The following PDGFD variants were observed in gnomAD, a reference collection of about 807,000 sequenced individuals.
PDGFD encodes platelet-derived growth factor D.
Under a neutral mutation model 44.7 loss-of-function variants are expected in PDGFD, and 30 were observed. That is an observed-to-expected ratio of 0.67 (90% CI 0.50 to 0.91). PDGFD has a LOEUF of 0.91. PDGFD is among the 40% of genes least tolerant of loss of function. The pLI is 0.00. For synonymous variants in PDGFD, 173 were observed against 168.4 expected (o/e 1.03, Z -0.21); for missense variants, 445 against 457.8 (o/e 0.97, Z 0.25).
intron 1 of PDGFD, among the ~76,000 whole-genome samples, chr11:104,086,496 C>A (rs1861132753): frequency 6.6e-6 from 1 of 152,054 alleles, no homozygotes; most frequent in Admixed American, 6.6e-5. Context: ...TCCAATATAG[C>A]CTAAAAACAG....
chr11:103,926,009 G>A (rs150793408), intron 6 of PDGFD, among the ~76,000 whole-genome samples: 2,106 of 152,048 alleles, frequency 0.014, 43 homozygotes, highest in African/African-American at 0.048. Flanking sequence ...GATTACAGGC[G>A]TGAGCCACTG....
intron 1 of PDGFD, among the ~76,000 whole-genome samples, chr11:104,079,370 A>ATTTCT (rs147414188): frequency 2.6e-5 from 4 of 151,824 alleles, no homozygotes; most frequent in East Asian, 3.9e-4. Context: ...CTAAGGGCCA[A>ATTTCT]TTTCTTTTCT....
At chr11:104,004,516 G>A (rs1386627013) in intron 1 of PDGFD, among the ~76,000 whole-genome samples, 1 of 152,146 alleles carries the variant, frequency 6.6e-6, no homozygotes, top group Non-Finnish European at 1.5e-5. Flanking sequence ...GTGGTATGTG[G>A]AGCGGGAAGG....
chr11:104,037,808 T>C, intron 1 of PDGFD: 1 of 1,614,184 alleles, frequency 6.2e-7, no homozygotes, highest in African/African-American at 1.3e-5. Flanking sequence ...ATGGATATGC[T>C]TCTAGGCCTA....
intron 3 of PDGFD, among the ~76,000 whole-genome samples, chr11:103,963,931 T>A (rs1260553043): frequency 6.6e-6 from 1 of 152,164 alleles, no homozygotes; most frequent in East Asian, 1.9e-4. Context: ...AACTCATGAA[T>A]TAAAATTTGT....
chr11:103,908,326 A>C lies in PDGFD; in HGVS notation c.*1368T>G, dbSNP rs1857970004. 6.6e-6 allele frequency: 1 copy of C among 152,176 alleles called. No homozygotes were observed. The highest frequency in any genetic ancestry group is 1.5e-5 in the Non-Finnish European group (1 of 68,018). 9.4% of individuals were successfully genotyped at this position (152,176 alleles called of 1,614,324 possible). A position where few individuals can be genotyped will look rare whatever the true frequency, so the allele number is the denominator to read the frequency against. ...GAGGCAGAGAGAAAAAATTACTCTA[A>C]ATACCATTAACCAATGTAAAACAGT... On this transcript the variant is annotated 3_prime_UTR_variant, in exon 7 of 7. Coordinates refer to ENST00000393158, the MANE Select transcript of PDGFD (RefSeq NM_025208.5).
chr11:103,930,160 T>C (rs1165906283), intron 5 of PDGFD, among the ~76,000 whole-genome samples: 1 of 152,178 alleles, frequency 6.6e-6, no homozygotes, highest in Non-Finnish European at 1.5e-5. Context: ...TACAGGCAGT[T>C]TTCTGGAAAG....
chr11:104,125,141 T>C (rs1234706872), intron 1 of PDGFD, among the ~76,000 whole-genome samples: 1 of 152,166 alleles, frequency 6.6e-6, no homozygotes, highest in Non-Finnish European at 1.5e-5. Context: ...AAGACTGATA[T>C]GAAAGTAATA....
intron 6 of PDGFD, among the ~76,000 whole-genome samples, 170 bp downstream of exon 6, chr11:103,926,742 A>C (rs1382147357): frequency 1.3e-5 from 2 of 152,232 alleles, no homozygotes; most frequent in African/African-American, 4.8e-5. Context: ...TTAACCTGTC[A>C]TCAGGACACT....
At chr11:104,045,129 C>T (rs972104137) in intron 1 of PDGFD, among the ~76,000 whole-genome samples, 10 of 152,138 alleles carry the variant, frequency 6.6e-5, no homozygotes, top group Admixed American at 2.0e-4. Context: ...GGTCACCATA[C>T]TAGTGTTAGA....
Position 104,116,803 on chromosome 11 carries a change from A to C in PDGFD, c.124+47001T>G, listed in dbSNP as rs555228507. 6.6e-5 allele frequency among the ~76,000 whole-genome samples: 10 copies of C among 152,054 alleles called. No homozygotes were observed. The East Asian group carries it at 1.6e-3, about 24-fold the overall frequency. ...CGGTCTTTCCCGTGGCATTTTCATG[A>C]TAGTGAATAAGTCTCACAAGATCTG... On this transcript the variant is annotated intron_variant, in intron 1 of 6. Transcript: ENST00000393158.
chr11:104,051,846 T>C (rs1486474020), intron 1 of PDGFD, among the ~76,000 whole-genome samples: 1 of 151,166 alleles, frequency 6.6e-6, no homozygotes, highest in East Asian at 1.9e-4. Flanking sequence ...TATGGTACAA[T>C]TTTTTTAATT....
At chr11:103,970,562 A>C (rs1859089126) in intron 3 of PDGFD, among the ~76,000 whole-genome samples, 1 of 152,138 alleles carries the variant, frequency 6.6e-6, no homozygotes, top group African/African-American at 2.4e-5. Flanking sequence ...GACAAACTTG[A>C]GGGAGCTTAG....
intron 3 of PDGFD, among the ~76,000 whole-genome samples, chr11:103,949,560 A>G (rs1213384077): frequency 1.3e-5 from 2 of 152,222 alleles, no homozygotes; most frequent in Non-Finnish European, 2.9e-5. Flanking sequence ...CAGGTATGGT[A>G]ATGACAGGAG....
intron 1 of PDGFD, among the ~76,000 whole-genome samples, chr11:104,156,163 C>T (rs933647621): frequency 1.3e-5 from 2 of 152,008 alleles, no homozygotes; most frequent in Non-Finnish European, 2.9e-5. Flanking sequence ...TATATATATA[C>T]AATTTTTATT....
chr11:103,945,016 C>G (rs1858648372), intron 4 of PDGFD, among the ~76,000 whole-genome samples: 1 of 151,898 alleles, frequency 6.6e-6, no homozygotes, highest in Admixed American at 6.6e-5. Flanking sequence ...AAGTTCTGAA[C>G]AAACCTTTCC....
intron 3 of PDGFD, among the ~76,000 whole-genome samples, chr11:103,981,148 T>C (rs1462902985): frequency 6.6e-6 from 1 of 151,678 alleles, no homozygotes; most frequent in Non-Finnish European, 1.5e-5. Context: ...AATGGATTAA[T>C]GGGTTAGCAT....
chr11:104,099,086 A>T (rs1427113759), intron 1 of PDGFD, among the ~76,000 whole-genome samples: 1 of 152,150 alleles, frequency 6.6e-6, no homozygotes, highest in African/African-American at 2.4e-5. Context: ...TAGGAGGCGA[A>T]TGTGTTAGTA....
chr11:104,036,217 A>G (rs10895566), intron 1 of PDGFD, among the ~76,000 whole-genome samples: 47,229 of 151,824 alleles, frequency 0.31, 9,037 homozygotes, highest in Admixed American at 0.5. Flanking sequence ...AGTGTGGGGG[A>G]TTGCTTGAGC....
Sources: allele counts gnomAD v4.1 joint callset (sites outside exome capture counted in the v4.1 genomes callset), GRCh38; gene constraint gnomAD v4.1.1; transcripts MANE v1.5; gene names NCBI Gene and HGNC (gene_info 2026-07-23, HGNC 2026-07-21).